The following CNTN4 variants were observed in gnomAD, a reference collection of about 807,000 sequenced individuals.
CNTN4 encodes the protein contactin 4.
CNTN4 carries 77 observed loss-of-function variants against 122.5 expected under a neutral mutation model. That is an observed-to-expected ratio of 0.63 (90% CI 0.52 to 0.76). The LOEUF is 0.76. Ranked by LOEUF, CNTN4 falls within the 30% of genes least tolerant of loss-of-function variation. The pLI, the probability that CNTN4 is intolerant of heterozygous loss-of-function variation, is 0.00. For missense variants in CNTN4, 1,256 were observed against 1,259.1 expected (o/e 1.00, Z 0.04); for synonymous variants, 512 against 447.0 (o/e 1.15, Z -1.83).
At chr3:2,245,232 A>G (rs2040097324) in intron 2 of CNTN4, among the ~76,000 whole-genome samples, 1 of 152,054 alleles carries the variant, frequency 6.6e-6, no homozygotes, top group Admixed American at 6.6e-5. Flanking sequence ...AAGTCACTGT[A>G]TTTTATTAGG....
At chr3:2,819,883 C>T (rs1043913738) in intron 7 of CNTN4, among the ~76,000 whole-genome samples, 1 of 152,288 alleles carries the variant, frequency 6.6e-6, no homozygotes, top group South Asian at 2.1e-4. Flanking sequence ...ATACTTCTTA[C>T]AACTTGATTG....
In CNTN4 at chr3:2,841,176, CTG is replaced by C. The variant is rs139098091; in HGVS notation, c.454+21597_454+21598del. 0.017 allele frequency among the ~76,000 whole-genome samples: 2,521 copies of C among 152,264 alleles called. 66 individuals are homozygous for C. Among genetic ancestry groups the C allele is most frequent in the African/African-American group, 0.058 (2,399 of 41,554 alleles). On this transcript the variant is annotated intron_variant, in intron 7 of 24. Transcript: ENST00000418658. The surrounding 1 kb of genome is among the most constrained non-coding windows in gnomAD (Gnocchi z 4.8). ...TCTCATAGAATTTAAGTCAAAATAT[CTG>C]TCTTTGTTTGCATTGCCCAAAGAAG...
chr3:2,719,301 T>C (rs1385167399), intron 4 of CNTN4, among the ~76,000 whole-genome samples: 2 of 134,576 alleles, frequency 1.5e-5, no homozygotes, highest in East Asian at 3.9e-4. Context: ...GACTTCACTT[T>C]TTTTTTTTTT....
rs139744195 is a variant in CNTN4, at chr3:2,343,887, G to C, written c.-89+4654G>C. ...TACAAGAAGCATGGCACCAGCATCT[G>C]TGTGTGGTGACAGCCTCAGGAAACT... On this transcript the variant is annotated intron_variant, in intron 3 of 24. Transcript: ENST00000418658. 2.0e-5 allele frequency among the ~76,000 whole-genome samples: 3 copies of C among 152,314 alleles called. No homozygotes were observed. In the East Asian group the frequency reaches 5.8e-4, roughly 29 times the overall value.
intron 2 of CNTN4, among the ~76,000 whole-genome samples, chr3:2,242,235 A>G (rs193018847): frequency 4.6e-4 from 70 of 152,276 alleles, no homozygotes; most frequent in Admixed American, 4.2e-3. Context: ...TAATATTAAT[A>G]TAAATAACAG....
intron 4 of CNTN4, among the ~76,000 whole-genome samples, chr3:2,732,311 T>C (rs2088751145): frequency 6.6e-6 from 1 of 152,168 alleles, no homozygotes; most frequent in Non-Finnish European, 1.5e-5. Context: ...CAGATTCTTC[T>C]GGCGTAGTCA....
intron 2 of CNTN4, among the ~76,000 whole-genome samples, chr3:2,257,347 C>G (rs968734770): frequency 6.6e-6 from 1 of 152,160 alleles, no homozygotes; most frequent in African/African-American, 2.4e-5. Context: ...CAGAAGAAAA[C>G]CTAGGCAATA....
chr3:2,795,242 A>C lies in CNTN4; in HGVS notation c.359-24244A>C, dbSNP rs148958708. On this transcript the variant is annotated intron_variant, in intron 6 of 24. Transcript: ENST00000418658. ...TGAGCAAATAATCTAAATTAGGCAG[A>C]TTAAATACCAAAATTGGACCTGACA... Among the ~76,000 whole-genome samples the C allele has an allele frequency of 1.7e-4, 26 of 152,300 alleles. 1 individual carries two copies. In the East Asian group the frequency reaches 5.0e-3, roughly 30 times the overall value.
intron 4 of CNTN4, among the ~76,000 whole-genome samples, chr3:2,698,831 A>C (rs1037054698): frequency 6.6e-6 from 1 of 152,190 alleles, no homozygotes; most frequent in African/African-American, 2.4e-5. Context: ...CAGCCTGGCC[A>C]ACTTCGTGAA....
intron 3 of CNTN4, among the ~76,000 whole-genome samples, chr3:2,553,814 C>G (rs1470020763): frequency 6.6e-6 from 1 of 152,130 alleles, no homozygotes; most frequent in African/African-American, 2.4e-5. Context: ...TCACTCTTTT[C>G]TATTAAACTA....
chr3:2,691,861 T>C (rs142217971), intron 4 of CNTN4, among the ~76,000 whole-genome samples: 1,673 of 152,318 alleles, frequency 0.011, 21 homozygotes, highest in African/African-American at 0.026. Context: ...CTACAACCCA[T>C]GCTTTTTCCC....
intron 6 of CNTN4, among the ~76,000 whole-genome samples, chr3:2,770,100 G>T (rs1321956374): frequency 1.3e-5 from 2 of 151,344 alleles, no homozygotes; most frequent in African/African-American, 2.4e-5. Context: ...CGTGATCTCA[G>T]CTCACTGCAA....
At position 3,037,352 on chromosome 3, in the gene CNTN4, T is replaced by C. The variant is rs756348829; in HGVS notation, c.2092+24T>C. ...TCGTGAGTAGCACCCGAGATTCAGA[T>C]CATCTGTTCTGCCAGCTGCTGTTCC... On this transcript the variant is annotated intron_variant, in intron 18 of 24. Coordinates refer to ENST00000418658, the MANE Select transcript of CNTN4 (RefSeq NM_175607.3). 3.1e-6 allele frequency: 5 copies of C among 1,614,076 alleles called. No individual in the cohort carries two copies. The South Asian group carries it at 4.4e-5, about 14-fold the overall frequency.
Position 2,995,306 on chromosome 3 carries a change from T to G in CNTN4, c.1486+6834T>G, listed in dbSNP as rs1402010459. Among the ~76,000 whole-genome samples, 7 of 152,226 alleles carry G rather than the reference T, an allele frequency of 4.6e-5. No individual in the cohort carries two copies. In the East Asian group the frequency reaches 1.3e-3, roughly 29 times the overall value. Reference sequence around the variant, plus strand: ...CAGGGTGTGATTATTTCCTCTGACATTCTTATGGACATGTGTGAGAGCCAC... The same window carrying G: ...CAGGGTGTGATTATTTCCTCTGACAGTCTTATGGACATGTGTGAGAGCCAC... On this transcript the variant is annotated intron_variant, in intron 14 of 24. Transcript: ENST00000418658.
At chr3:2,535,757 A>C (rs562817748) in intron 3 of CNTN4, among the ~76,000 whole-genome samples, 1 of 152,226 alleles carries the variant, frequency 6.6e-6, no homozygotes, top group Admixed American at 6.5e-5. Context: ...GTTTTTGAAC[A>C]TTTTAACAAG....
At chr3:2,162,041 T>G (rs1435886576) in intron 2 of CNTN4, among the ~76,000 whole-genome samples, 2 of 152,234 alleles carry the variant, frequency 1.3e-5, no homozygotes, top group Non-Finnish European at 2.9e-5. Context: ...ATTGTATCTT[T>G]AAATTTTTTA....
chr3:2,258,187 A>G (rs1330474066), intron 2 of CNTN4, among the ~76,000 whole-genome samples: 2 of 152,210 alleles, frequency 1.3e-5, no homozygotes, highest in Non-Finnish European at 2.9e-5. Flanking sequence ...CAGTGTGGCA[A>G]TTCCTCAAGG....
chr3:2,631,850 G>A (rs2082441903), intron 4 of CNTN4, among the ~76,000 whole-genome samples: 1 of 130,430 alleles, frequency 7.7e-6, no homozygotes, highest in African/African-American at 3.1e-5. Flanking sequence ...GCAACATAGG[G>A]AGACCGTATC....
At chr3:2,426,910 A>G (rs971121404) in intron 3 of CNTN4, among the ~76,000 whole-genome samples, 2 of 152,120 alleles carry the variant, frequency 1.3e-5, no homozygotes, top group Non-Finnish European at 2.9e-5. Context: ...TGGGATCATT[A>G]ATGATATCCC....
Sources: allele counts gnomAD v4.1 joint callset (sites outside exome capture counted in the v4.1 genomes callset), GRCh38; gene constraint gnomAD v4.1.1; non-coding constraint Gnocchi (gnomAD v3.1); transcripts MANE v1.5; gene names NCBI Gene and HGNC (gene_info 2026-07-23, HGNC 2026-07-21).